The following PDE10A variants were observed in gnomAD, a reference collection of about 807,000 sequenced individuals.
PDE10A encodes the protein phosphodiesterase 10A, also known as cAMP and cAMP-inhibited cGMP 3',5'-cyclic phosphodiesterase 10A.
In PDE10A, 39 loss-of-function variants were observed where a neutral mutation model predicts 97.7. The observed-to-expected ratio is 0.40, with a 90% CI of 0.31 to 0.52. The LOEUF is 0.52. PDE10A is among the 20% of genes least tolerant of loss of function. The pLI is 0.56. For missense variants in PDE10A, 731 were observed against 1,047.8 expected (o/e 0.70, Z 4.17); for synonymous variants, 371 against 376.8 (o/e 0.98, Z 0.18).
intron 1 of PDE10A, among the ~76,000 whole-genome samples, chr6:165,627,340 C>G (rs1235781262): frequency 6.6e-6 from 1 of 152,150 alleles, no homozygotes; most frequent in Non-Finnish European, 1.5e-5. Context: ...TATTTTGTTT[C>G]TATTTTGTTT....
chr6:165,588,009 A>G (rs1057155020), intron 1 of PDE10A, among the ~76,000 whole-genome samples: 2 of 152,212 alleles, frequency 1.3e-5, no homozygotes, highest in African/African-American at 4.8e-5. Context: ...AGATGACTCT[A>G]TTCTATTTTA....
intron 1 of PDE10A, among the ~76,000 whole-genome samples, chr6:165,809,996 G>A (rs1779236327): frequency 6.6e-6 from 1 of 152,174 alleles, no homozygotes; most frequent in African/African-American, 2.4e-5. Context: ...CAGAGCGCTT[G>A]GCAGGCAGGC....
Position 165,428,690 on chromosome 6 carries a change from C to G in PDE10A, c.1621G>C (p.Val541Leu), listed in dbSNP as rs1178172521. 7.5e-7 allele frequency: 1 copy of G among 1,332,006 alleles called. No individual in the cohort carries two copies. The highest frequency in any genetic ancestry group is 1.1e-6 in the Non-Finnish European group (1 of 938,026). The allele number at this position is 1,332,006 out of a possible 1,614,324, so 82.5% of individuals were successfully genotyped here. Residue 541 changes from valine (V) to leucine (L), a missense_variant, in exon 10 of 22, where the codon GTT becomes CTT. This residue lies in a region of PDE10A where 108 missense variants were observed against 199.8 expected (regional missense o/e 0.54). Coordinates refer to ENST00000539869, the MANE Select transcript of PDE10A (RefSeq NM_001385079.1). The stretch of plus-strand genomic sequence containing the variant: ...TGTTCAAGTAGAGAATCTATTGCAA[C>G]TATGTTATCAAAATATGTTCTGAAA... ...DVSKTYFDNI[V>L]AIDSLLEHIM...
At chr6:165,626,907 G>A (rs1283323854) in intron 1 of PDE10A, among the ~76,000 whole-genome samples, 3 of 152,164 alleles carry the variant, frequency 2.0e-5, no homozygotes, top group Non-Finnish European at 2.9e-5. Flanking sequence ...TTTATGACAC[G>A]GGCTTAGTTT....
intron 1 of PDE10A, among the ~76,000 whole-genome samples, chr6:165,903,642 G>T (rs1782176999): frequency 6.6e-6 from 1 of 152,168 alleles, no homozygotes; most frequent in African/African-American, 2.4e-5. Flanking sequence ...TCGGAAGTTG[G>T]AAGGATAAAA....
chr6:165,525,662 A>G (rs1782396277), intron 2 of PDE10A, among the ~76,000 whole-genome samples: 1 of 152,160 alleles, frequency 6.6e-6, no homozygotes, highest in African/African-American at 2.4e-5. Flanking sequence ...AACAGCGGGA[A>G]CCACAGTCAC....
chr6:165,450,384 A>G (rs1791198305), intron 3 of PDE10A, 22 bp from the exon 4 acceptor site: 1 of 1,434,928 alleles, frequency 7.0e-7, no homozygotes, highest in Admixed American at 1.9e-5. Flanking sequence ...AAATAACAAA[A>G]ATAAAAACAG....
intron 1 of PDE10A, chr6:165,894,290 G>C: frequency 2.2e-6 from 1 of 456,100 alleles, no homozygotes; most frequent in Non-Finnish European, 4.4e-6. Context: ...GAGAAGATGT[G>C]TTGATCCAAT....
intron 3 of PDE10A, among the ~76,000 whole-genome samples, chr6:165,481,771 A>G (rs1779618712): frequency 6.6e-6 from 1 of 152,182 alleles, no homozygotes; most frequent in Non-Finnish European, 1.5e-5. Flanking sequence ...AGTACCTTTA[A>G]TATTTATAAA....
At chr6:165,427,814 T>G (rs967956028) in intron 10 of PDE10A, among the ~76,000 whole-genome samples, 5 of 152,166 alleles carry the variant, frequency 3.3e-5, no homozygotes, top group African/African-American at 9.6e-5. Context: ...AGTTGTTTCA[T>G]AACAAGAGAA....
intron 1 of PDE10A, among the ~76,000 whole-genome samples, chr6:165,678,529 T>C (rs569755428): frequency 3.2e-4 from 48 of 152,236 alleles, no homozygotes; most frequent in African/African-American, 1.0e-3. Flanking sequence ...AACCCCTTCA[T>C]TGGATTTTAA....
At chr6:165,627,535 C>A (rs1265903071) in intron 1 of PDE10A, among the ~76,000 whole-genome samples, 1 of 152,132 alleles carries the variant, frequency 6.6e-6, no homozygotes, top group Non-Finnish European at 1.5e-5. Flanking sequence ...TGGAGCACGA[C>A]ACAGACACCA....
At chr6:165,490,880 G>A (rs1324842369) in intron 2 of PDE10A, among the ~76,000 whole-genome samples, 1 of 152,096 alleles carries the variant, frequency 6.6e-6, no homozygotes, top group Non-Finnish European at 1.5e-5. Context: ...CCTTGAACCT[G>A]GGAAGTAGAG....
intron 1 of PDE10A, among the ~76,000 whole-genome samples, chr6:165,886,928 G>T (rs977370216): frequency 1.3e-5 from 2 of 152,260 alleles, no homozygotes; most frequent in East Asian, 1.9e-4. Flanking sequence ...TCTGTCACTC[G>T]AATACTTTGG....
At chr6:165,933,960 C>A (rs1480896678) in intron 1 of PDE10A, among the ~76,000 whole-genome samples, 2 of 150,606 alleles carry the variant, frequency 1.3e-5, no homozygotes, top group African/African-American at 2.4e-5. Context: ...CTCCAGTTTG[C>A]AATTTTTCAT....
At chr6:165,664,958 ACC>A (rs958605146), upstream of PDE10A, among the ~76,000 whole-genome samples, 4 of 152,128 alleles carry the variant, frequency 2.6e-5, no homozygotes, top group African/African-American at 9.7e-5. Flanking sequence ...AGGGTGGGAA[ACC>A]CCAAATATTT....
At chr6:165,335,544 C>G (rs1342026543) in intron 21 of PDE10A, among the ~76,000 whole-genome samples, 1 of 152,048 alleles carries the variant, frequency 6.6e-6, no homozygotes, top group Non-Finnish European at 1.5e-5. Flanking sequence ...GAGCCAGGGG[C>G]CCCTCTTGCA....
chr6:165,375,817 A>G (rs495725), intron 18 of PDE10A, among the ~76,000 whole-genome samples: 83,739 of 152,062 alleles, frequency 0.55, 23,979 homozygotes, highest in African/African-American at 0.71. Flanking sequence ...ATGCTAAGTC[A>G]ATTCTGTCTG....
At chr6:165,913,315 C>T (rs1324819046) in intron 1 of PDE10A, among the ~76,000 whole-genome samples, 1 of 148,838 alleles carries the variant, frequency 6.7e-6, no homozygotes, top group Non-Finnish European at 1.5e-5. Context: ...CACACAGAGT[C>T]ATCCCTCAGT....
Sources: allele counts gnomAD v4.1 joint callset (sites outside exome capture counted in the v4.1 genomes callset), GRCh38; gene constraint gnomAD v4.1.1; regional missense constraint gnomAD v4.1.1; transcripts MANE v1.5; gene names NCBI Gene and HGNC (gene_info 2026-07-23, HGNC 2026-07-21).